The following CCDC198 variants were observed in gnomAD, a reference collection of about 807,000 sequenced individuals.
CCDC198 encodes factor associated with metabolism and energy.
Under a neutral mutation model 35.6 loss-of-function variants are expected in CCDC198, and 18 were observed. The ratio of observed to expected loss-of-function variants is 0.51; its 90% CI spans 0.35 to 0.75. The LOEUF (loss-of-function observed/expected upper bound fraction) is 0.75. Among genes scored for constraint, CCDC198 ranks in the 30% least tolerant of loss-of-function variants. CCDC198 has a pLI of 0.01. For synonymous variants in CCDC198, 119 were observed against 113.4 expected (o/e 1.05, Z -0.31); for missense variants, 365 against 343.7 (o/e 1.06, Z -0.49).
chr14:57,491,174 T>A (rs1182654255), intron 1 of CCDC198, 103 bp from the exon 2 acceptor site: 1 of 1,166,014 alleles, frequency 8.6e-7, no homozygotes, highest in Non-Finnish European at 1.2e-6. Context: ...ATTTTGTACC[T>A]TTTCAGTTAT....
Position 57,490,886 on chromosome 14 carries a change from G to C in CCDC198, c.306+103C>G, listed in dbSNP as rs934862678. 10 of 1,078,832 alleles carry C rather than the reference G, an allele frequency of 9.3e-6. No homozygotes were observed. The African/African-American group carries it at 1.5e-4, about 17-fold the overall frequency. 66.8% of individuals were successfully genotyped at this position (1,078,832 alleles called of 1,614,324 possible). ...TTCTTTAAGAACATTCTCATTAATA[G>C]CTTGGTCCTTATCAATATCCCTCTT... is the stretch of plus-strand genomic sequence containing the variant. On this transcript the variant is annotated intron_variant, in intron 2 of 5. Transcript: ENST00000216445.
chr14:57,486,305 A>C (rs534617890), intron 2 of CCDC198, among the ~76,000 whole-genome samples: 15 of 152,254 alleles, frequency 9.9e-5, no homozygotes, highest in African/African-American at 3.1e-4. Context: ...CTCCGTGGAT[A>C]ATTACGAAGA....
At position 57,479,125 on chromosome 14, in the gene CCDC198, C is replaced by T. The variant is rs958423183; in HGVS notation, c.655+1470G>A. On this transcript the variant is annotated intron_variant, in intron 5 of 5. Coordinates refer to ENST00000216445, the MANE Select transcript of CCDC198 (RefSeq NM_018168.4). ...AGCCTGTCCATTAGAAAGCATAGAG[C>T]GATCTGAGAGCATAAACAATTTGGC... The T allele has an allele frequency of 4.5e-5, 42 of 925,706 alleles. 1 individual carries two copies. The highest frequency in any genetic ancestry group is 3.7e-4 in the South Asian group (26 of 71,182). 57.3% of individuals were successfully genotyped at this position (925,706 alleles called of 1,614,324 possible). A position where few individuals can be genotyped will look rare whatever the true frequency, so the allele number is the denominator to read the frequency against.
Position 57,486,423 on chromosome 14 carries a change from T to G in CCDC198, c.307-3272A>C, listed in dbSNP as rs116726153. On this transcript the variant is annotated intron_variant, in intron 2 of 5. Transcript: ENST00000216445. ...TCCAGCTCCAAATCTAAAGCTCTTTTCTGCACTATATGTTATCCAAAATGG... is the reference window on the plus strand; with the variant it reads ...TCCAGCTCCAAATCTAAAGCTCTTTGCTGCACTATATGTTATCCAAAATGG... Among the ~76,000 whole-genome samples the G allele has an allele frequency of 8.4e-3, 1,285 of 152,148 alleles. 18 individuals are homozygous for G. Among genetic ancestry groups the G allele is most frequent in the African/African-American group, 0.029 (1,220 of 41,512 alleles).
Position 57,471,562 on chromosome 14 carries a change from T to C in CCDC198, c.684A>G (p.Lys228=). Reference sequence around the variant, plus strand: ...GACAGTAGTTATTCACTGCTTGATGTTTCAAAAATTCTGTATTCTTTGAAT... The same window carrying C: ...GACAGTAGTTATTCACTGCTTGATGCTTCAAAAATTCTGTATTCTTTGAAT... ...PGNSKNTEFL[K]HQAVNNYCPW... is the part of the protein sequence containing the mutation. Residue 228 remains lysine, a synonymous_variant, in exon 6 of 6, where the codon AAA becomes AAG. Coordinates refer to ENST00000216445, the MANE Select transcript of CCDC198 (RefSeq NM_018168.4). 1 of 1,597,918 alleles carries C rather than the reference T, an allele frequency of 6.3e-7. No individual in the cohort carries two copies. Among genetic ancestry groups the C allele is most frequent in the Non-Finnish European group, 8.5e-7 (1 of 1,173,398 alleles).
intron 5 of CCDC198, chr14:57,478,880 T>C: frequency 4.3e-6 from 5 of 1,173,098 alleles, no homozygotes; most frequent in Non-Finnish European, 5.4e-6. Context: ...ATTTTGCGTC[T>C]TAGAAGTTCA....
intron 5 of CCDC198, chr14:57,475,505 G>C (rs1170410549): frequency 2.8e-6 from 3 of 1,071,478 alleles, no homozygotes; most frequent in Middle Eastern, 4.0e-4. Flanking sequence ...TCAGGAGTTC[G>C]AGACCAGCTT....
chr14:57,486,431 A>G (rs985008989), intron 2 of CCDC198, among the ~76,000 whole-genome samples: 5 of 151,864 alleles, frequency 3.3e-5, no homozygotes, highest in Admixed American at 6.6e-5. Context: ...TTTCTGCACT[A>G]TATGTTATCC....
At chr14:57,481,445 A>T in intron 4 of CCDC198, 114 bp downstream of exon 4, 1 of 694,808 alleles carries the variant, frequency 1.4e-6, no homozygotes, top group Non-Finnish European at 2.4e-6. Context: ...AACCTCAATG[A>T]CGAAATTTAA....
In CCDC198 at chr14:57,470,563, C is replaced by T. The variant is rs1263655300; in HGVS notation, c.*792G>A. On this transcript the variant is annotated 3_prime_UTR_variant, in exon 6 of 6. Coordinates refer to ENST00000216445, the MANE Select transcript of CCDC198 (RefSeq NM_018168.4). ...ATGTTGGCCAGGCTGGTCTTGAACT[C>T]CTGACCTCAAGTGATCTGCCCACCT... The T allele has an allele frequency of 6.6e-6, 1 of 152,248 alleles. No individual in the cohort carries two copies. The highest frequency in any genetic ancestry group is 2.4e-5 in the African/African-American group (1 of 41,464). The allele number at this position is 152,248 out of a possible 1,614,324, so 9.4% of individuals were successfully genotyped here.
intron 5 of CCDC198, chr14:57,480,214 G>A: frequency 2.1e-6 from 2 of 946,762 alleles, no homozygotes; most frequent in Non-Finnish European, 2.5e-6. Context: ...TCTGCATATG[G>A]TACCAACTCT....
chr14:57,493,539 C>T lies in CCDC198; in HGVS notation c.177G>A (p.Gly59=). ...RLQDQNKALE[G]QLPPLQENWY... ...AGTTTTCTTGTAAAGGTGGCAGCTGCCCTTCCAAGGCTTTATTCTGGTCCT... is the reference window on the plus strand; with the variant it reads ...AGTTTTCTTGTAAAGGTGGCAGCTGTCCTTCCAAGGCTTTATTCTGGTCCT... Residue 59 remains glycine, a synonymous_variant, in exon 1 of 6, where the codon GGG becomes GGA. Coordinates refer to ENST00000216445, the MANE Select transcript of CCDC198 (RefSeq NM_018168.4). The T allele has an allele frequency of 6.2e-7, 1 of 1,613,974 alleles. No individual in the cohort carries two copies. The highest frequency in any genetic ancestry group is 8.5e-7 in the Non-Finnish European group (1 of 1,179,896).
At chr14:57,475,708 A>C (rs1489989353) in intron 5 of CCDC198, 1 of 101,308 alleles carries the variant, frequency 9.9e-6, no homozygotes, top group African/African-American at 3.9e-5. Context: ...ACTCTGTCTT[A>C]AAAAAAAAAA....
intron 2 of CCDC198, 34 bp downstream of exon 2, chr14:57,490,955 A>T (rs777439682): frequency 2.3e-5 from 34 of 1,497,866 alleles, no homozygotes; most frequent in Non-Finnish European, 3.0e-5. Flanking sequence ...TTTATCCAAG[A>T]AATTCCTTAT....
In CCDC198 at chr14:57,481,586, C is replaced by A. The variant is rs768635756; in HGVS notation, c.468G>T (p.Val156=). The A allele has an allele frequency of 6.2e-7, 1 of 1,612,430 alleles. No individual in the cohort carries two copies. The highest frequency in any genetic ancestry group is 1.1e-5 in the South Asian group (1 of 90,964). The change falls in exon 4 of 6, where the codon GTG becomes GTT. Residue 156 remains valine (V), a synonymous_variant. Transcript: ENST00000216445. The stretch of plus-strand genomic sequence containing the variant: ...CTTGTCTTTTACGGATCATTTCCAG[C>A]ACTTGCATCTTATGCAAATATTGTC... ...ENRQYLHKMQ[V]LEMIRKRQEA...
chr14:57,490,042 C>T (rs1029785932), intron 2 of CCDC198, among the ~76,000 whole-genome samples: 1 of 152,012 alleles, frequency 6.6e-6, no homozygotes, highest in Non-Finnish European at 1.5e-5. Context: ...ACAATCACTT[C>T]AAATAATGGC....
intron 2 of CCDC198, among the ~76,000 whole-genome samples, chr14:57,486,500 C>T (rs934485845): frequency 3.3e-5 from 5 of 151,914 alleles, no homozygotes; most frequent in African/African-American, 1.2e-4. Flanking sequence ...ATTCTTGGCC[C>T]CTTCACTAGA....
In CCDC198 at chr14:57,471,492, C is replaced by T. The variant is rs776407104; in HGVS notation, c.754G>A (p.Ala252Thr). 4 of 1,613,786 alleles carry T rather than the reference C, an allele frequency of 2.5e-6. No homozygotes were observed. Among genetic ancestry groups the T allele is most frequent in the Non-Finnish European group, 3.4e-6 (4 of 1,179,932 alleles). Residue 252 changes from alanine (A) to threonine (T), a missense_variant, in exon 6 of 6, where the codon GCC becomes ACC. Ala to Thr is a moderately conservative substitution (Grantham distance 58, BLOSUM62 0). Coordinates refer to ENST00000216445, the MANE Select transcript of CCDC198 (RefSeq NM_018168.4). ...CTGTCCCAGAGAAGCTGTCCCTGGG[C>T]CTCTTGTTCATGAAGCCATGTTTCC... ...KMETWLHEQE[A>T]QGQLLWDSSS... is the part of the protein sequence containing the mutation.
At chr14:57,483,263 G>C in intron 2 of CCDC198, 112 bp from the exon 3 acceptor site, 1 of 1,500,010 alleles carries the variant, frequency 6.7e-7, no homozygotes. Flanking sequence ...ACTTATTTCT[G>C]AGAGCATACA....
Sources: allele counts gnomAD v4.1 joint callset (sites outside exome capture counted in the v4.1 genomes callset), GRCh38; gene constraint gnomAD v4.1.1; transcripts MANE v1.5; gene names NCBI Gene and HGNC (gene_info 2026-07-23, HGNC 2026-07-21).